The following ABCA2 variants were observed in gnomAD, a reference collection of about 807,000 sequenced individuals.
ABCA2 encodes ATP binding cassette subfamily A member 2, also known as ATP-binding cassette sub-family A member 2.
A neutral mutation model predicts 262.8 loss-of-function variants in ABCA2; 84 were observed. The observed-to-expected ratio is 0.32, with a 90% CI of 0.27 to 0.38. The LOEUF is 0.38. Among genes scored for constraint, ABCA2 ranks in the 10% least tolerant of loss-of-function variants. The pLI is 1.00. For synonymous variants in ABCA2, 1,696 were observed against 1,502.9 expected, an observed-to-expected ratio of 1.13 and a Z score of -2.97; for missense variants, 2,662 against 3,405.9, an observed-to-expected ratio of 0.78 and a Z score of 5.44.
Position 137,018,312 on chromosome 9 carries a change from G to A in ABCA2, c.1859C>T (p.Pro620Leu). 6.2e-7 allele frequency: 1 copy of A among 1,606,568 alleles called. No individual in the cohort carries two copies. ...FQTRKDGSLPPHVHYKIRQNS... is the reference protein window; with the variant it reads ...FQTRKDGSLPLHVHYKIRQNS... Reference sequence around the variant, plus strand: ...CTGGCGGATCTTGTAGTGCACGTGAGGCGGGAGCGAGCCGTCCTTCCGGGT... The same window carrying A: ...CTGGCGGATCTTGTAGTGCACGTGAAGCGGGAGCGAGCCGTCCTTCCGGGT... Residue 620 changes from proline (P) to leucine (L), a missense_variant, in exon 14 of 49, where the codon CCT (proline) becomes CTT (leucine). By Grantham distance (98) the Pro-to-Leu change is moderately conservative (BLOSUM62 -3). This residue lies in a region of ABCA2 where 187 missense variants were observed against 205.9 expected (regional missense o/e 0.91). Transcript: ENST00000341511.
intron 5 of ABCA2, 82 bp from the exon 6 acceptor site, chr9:137,022,560 A>AC: frequency 6.4e-7 from 1 of 1,568,110 alleles, no homozygotes; most frequent in Non-Finnish European, 8.6e-7. Context: ...CGAGCCCAAC[A>AC]CCACAGCTCT....
In ABCA2 at chr9:137,011,666, G is replaced by A; in HGVS notation, c.5619C>T (p.Phe1873=). 6.4e-7 allele frequency: 1 copy of A among 1,554,898 alleles called. No homozygotes were observed. Residue 1873 remains phenylalanine (F), a synonymous_variant, in exon 36 of 49, where the codon TTC becomes TTT. Transcript: ENST00000341511. This position sits in a 1 kb window ranked among gnomAD's most constrained non-coding sequence, Gnocchi z 8.8. ...GCAGGAAGAGGGAGAGGACGGCAGG[G>A]AAGTTGGTGGGCGACGTGTAGGCCG... ...DLPAYTSPTN[F]PAVLSLFLLY...
At chr9:137,013,663 G>A in intron 28 of ABCA2, 100 bp from the exon 29 acceptor site, 1 of 1,394,598 alleles carries the variant, frequency 7.2e-7, no homozygotes, top group South Asian at 1.3e-5. Flanking sequence ...TCCACGCCTG[G>A]GGTCTGGGAC....
rs747473506 is a variant in ABCA2, at chr9:137,012,702, C to G, written c.5081+10G>C. On this transcript the variant is annotated intron_variant, in intron 31 of 48. Transcript: ENST00000341511. ...GCCACCCTCACCCACAGCCTCCCCA[C>G]CCAGCTCACCGGTGCAGTCGGAAGC... 3.7e-6 allele frequency: 6 copies of G among 1,611,998 alleles called. No homozygotes were observed. In the South Asian group the frequency reaches 6.6e-5, roughly 18 times the overall value.
At position 137,009,709 on chromosome 9, in the gene ABCA2, G is replaced by A. The variant is rs1830965204; in HGVS notation, c.6630+60C>T. 1.9e-6 allele frequency: 3 copies of A among 1,610,394 alleles called. No homozygotes were observed. In the Admixed American group the frequency reaches 5.0e-5, roughly 27 times the overall value. On this transcript the variant is annotated intron_variant, in intron 43 of 48. Coordinates refer to ENST00000341511, the MANE Select transcript of ABCA2 (RefSeq NM_001606.5). ...ACACCCCAGCCTGAACGCTGCCCCTGCCCGTGCTCACCAGGAAGTCAAAGG... is the reference window on the plus strand; with the variant it reads ...ACACCCCAGCCTGAACGCTGCCCCTACCCGTGCTCACCAGGAAGTCAAAGG...
chr9:137,023,624 C>G lies in ABCA2; in HGVS notation c.163+214G>C, dbSNP rs967961623. 8.5e-6 allele frequency: 6 copies of G among 708,250 alleles called. No homozygotes were observed. The African/African-American group carries it at 1.0e-4, about 12-fold the overall frequency. The allele number at this position is 708,250 out of a possible 1,614,324, so 43.9% of individuals were successfully genotyped here. A position where few individuals can be genotyped will look rare whatever the true frequency, so the allele number is the denominator to read the frequency against. On this transcript the variant is annotated intron_variant, in intron 3 of 48. Transcript: ENST00000341511. ...ATGCCGCCTCAGCTTGACCCAGGCA[C>G]CAGCTGTGCCTTTAGGTGGCCGGGC...
In ABCA2 at chr9:137,024,256, T is replaced by G; in HGVS notation, c.67-20A>C. The G allele has an allele frequency of 6.3e-7, 1 of 1,595,042 alleles. No individual in the cohort carries two copies. Among genetic ancestry groups the G allele is most frequent in the Non-Finnish European group, 8.5e-7 (1 of 1,169,820 alleles). On this transcript the variant is annotated intron_variant, in intron 1 of 48. Coordinates refer to ENST00000341511, the MANE Select transcript of ABCA2 (RefSeq NM_001606.5). ...GACCCACTGGAAAGGGTGGGCCCAG[T>G]GAGGGATAGGACAGACCTGTGCTCG...
At chr9:137,008,009 C>G (rs1370743660) in intron 48 of ABCA2, 45 bp from the exon 49 acceptor site, 1 of 1,587,070 alleles carries the variant, frequency 6.3e-7, no homozygotes, top group East Asian at 2.2e-5. Context: ...CTGTGCCACC[C>G]CCTGCTGGGG....
rs375294365 is a variant in ABCA2 at position 137,009,362 on chromosome 9, C to T, written c.6827+8G>A. 1,450 of 1,585,352 alleles carry T rather than the reference C, an allele frequency of 9.1e-4. 4 individuals are homozygous for T. The highest frequency in any genetic ancestry group is 1.1e-3 in the Non-Finnish European group (1,320 of 1,173,270). ...CCCCAGCCCACCCCTGGCCCTGCCC[C>T]GGCTCACCGGTTCTTCAGGTGCTGG... On this transcript the variant is annotated splice_region_variant and intron_variant, in intron 45 of 48. Coordinates refer to ENST00000341511, the MANE Select transcript of ABCA2 (RefSeq NM_001606.5).
intron 28 of ABCA2, 27 bp from the exon 29 acceptor site, chr9:137,013,590 GCAGGTTCTGCCCTCTGGC>G: frequency 6.3e-7 from 1 of 1,585,584 alleles, no homozygotes; most frequent in Non-Finnish European, 8.6e-7. Flanking sequence ...GGAGGCCTGA[GCAGGTTCTGCCCTCTGGC>G]CAGCGGCCCC....
chr9:137,025,150 A>G (rs1246202539), intron 1 of ABCA2, among the ~76,000 whole-genome samples: 4 of 152,236 alleles, frequency 2.6e-5, no homozygotes, highest in Admixed American at 6.5e-5. Context: ...CAGTTTCCCC[A>G]GGTCGGCTCC....
rs774066387 is a variant in ABCA2 at position 137,010,134 on chromosome 9, C to T, written c.6354-10G>A. 13 of 1,591,282 alleles carry T rather than the reference C, an allele frequency of 8.2e-6. No individual in the cohort carries two copies. The highest frequency in any genetic ancestry group is 1.3e-5 in the African/African-American group (1 of 74,706). On this transcript the variant is annotated splice_polypyrimidine_tract_variant and intron_variant, in intron 41 of 48. Transcript: ENST00000341511. ...CAGCTCCTTCAGCACGCTGGGGACA[C>T]GGCAGCTGTCAGCGCGTGAGGACGC...
rs1460249307 is a variant in ABCA2 at position 137,022,443 on chromosome 9, G to A, written c.475C>T (p.Pro159Ser). 3 of 1,611,900 alleles carry A rather than the reference G, an allele frequency of 1.9e-6. No homozygotes were observed. The highest frequency in any genetic ancestry group is 1.7e-6 in the Non-Finnish European group (2 of 1,179,762). Residue 159 changes from proline to serine, a missense_variant, in exon 6 of 49, where the codon CCG becomes TCG. Pro to Ser is a moderately conservative substitution (Grantham distance 74). This residue lies in a region of ABCA2 where 403 missense variants were observed against 375.9 expected (regional missense o/e 1.07). Transcript: ENST00000341511. ...SFSLDSVARN[P>S]QELWRFLTQN... ...GTCAGGAAACGCCAGAGCTCCTGCGGGTTTCTGGCCACCGAGTCCAGAGAG... is the reference window on the plus strand; with the variant it reads ...GTCAGGAAACGCCAGAGCTCCTGCGAGTTTCTGGCCACCGAGTCCAGAGAG...
At chr9:137,018,117 C>CACCT in intron 14 of ABCA2, 42 bp from the exon 15 acceptor site, 1 of 1,609,630 alleles carries the variant, frequency 6.2e-7, no homozygotes, top group Non-Finnish European at 8.5e-7. Context: ...CAGGCCCTCT[C>CACCT]GTCCTCACAC....
At position 137,023,037 on chromosome 9, in the gene ABCA2, G is replaced by C; in HGVS notation, c.179C>G (p.Ala60Gly). 1 of 1,587,296 alleles carries C rather than the reference G, an allele frequency of 6.3e-7. No homozygotes were observed. The highest frequency in any genetic ancestry group is 2.3e-5 in the East Asian group (1 of 43,616). ...CAGGATGCCGGCAGACGTCAGGGGCGCCGCTGTGTAGAAGGCTGGCAGACC... is the reference window on the plus strand; with the variant it reads ...CAGGATGCCGGCAGACGTCAGGGGCCCCGCTGTGTAGAAGGCTGGCAGACC... The part of the protein sequence containing the change: ...SVKEVSFYTA[A>G]PLTSAGILPV... Residue 60 changes from alanine (A) to glycine (G), a missense_variant, in exon 4 of 49, where the codon GCG becomes GGG. Ala to Gly is a moderately conservative substitution (Grantham distance 60). Coordinates refer to ENST00000341511, the MANE Select transcript of ABCA2 (RefSeq NM_001606.5).
chr9:137,015,104 G>T lies in ABCA2; in HGVS notation c.3698-7C>A, dbSNP rs1462985257. On this transcript the variant is annotated splice_region_variant and splice_polypyrimidine_tract_variant and intron_variant, in intron 24 of 48. Transcript: ENST00000341511. ...CTGGATGCCAGCCCTGGCTCTGTGGGGGACGTGGGAGCAGGAAGGAATTCA... is the reference window on the plus strand; with the variant it reads ...CTGGATGCCAGCCCTGGCTCTGTGGTGGACGTGGGAGCAGGAAGGAATTCA... 6.4e-7 allele frequency: 1 copy of T among 1,568,766 alleles called. No homozygotes were observed. Among genetic ancestry groups the T allele is most frequent in the Admixed American group, 2.0e-5 (1 of 51,132 alleles).
chr9:137,014,823 T>C lies in ABCA2; in HGVS notation c.3883-13A>G, dbSNP rs144989040. On this transcript the variant is annotated splice_polypyrimidine_tract_variant and intron_variant, in intron 25 of 48. Transcript: ENST00000341511. Reference sequence around the variant, plus strand: ...TGCGCTCCAGGTGCTGCAGGGGCGGTGGAGGGGGAGGCTGCGGCAGGGACG... The same window carrying C: ...TGCGCTCCAGGTGCTGCAGGGGCGGCGGAGGGGGAGGCTGCGGCAGGGACG... 2 of 1,596,180 alleles carry C rather than the reference T, an allele frequency of 1.3e-6. No homozygotes were observed. Among genetic ancestry groups the C allele is most frequent in the South Asian group, 1.1e-5 (1 of 88,494 alleles).
intron 3 of ABCA2, 70 bp from the exon 4 acceptor site, chr9:137,023,122 G>A (rs1831537835): frequency 3.2e-6 from 4 of 1,240,196 alleles, no homozygotes; most frequent in Non-Finnish European, 4.6e-6. Flanking sequence ...ATCCAGAAGG[G>A]GAGGGAGACA....
At chr9:137,028,333 C>G (rs1421403307), upstream of ABCA2, 1 of 918,264 alleles carries the variant, frequency 1.1e-6, no homozygotes, top group Non-Finnish European at 1.3e-6. This position sits in a 1 kb window ranked among gnomAD's most constrained non-coding sequence, Gnocchi z 6.9. Flanking sequence ...CGCCCGCCCC[C>G]GCTTAAAGGC....
Sources: gnomAD v4.1 joint callset for allele counts (sites outside exome capture counted in the v4.1 genomes callset) on GRCh38, gnomAD v4.1.1 for gene constraint, gnomAD v4.1.1 regional missense constraint, Gnocchi (gnomAD v3.1) non-coding constraint, MANE v1.5 for transcripts, NCBI Gene and HGNC (gene_info 2026-07-23, HGNC 2026-07-21) for gene names.